The following LDLRAD4 variants were observed in gnomAD, a reference collection of about 807,000 sequenced individuals.
LDLRAD4 encodes the protein low density lipoprotein receptor class A domain containing 4, also known as low-density lipoprotein receptor class A domain-containing protein 4.
In LDLRAD4, 5 loss-of-function variants were observed where a neutral mutation model predicts 17.0. That is an observed-to-expected ratio of 0.29 (90% confidence interval 0.15 to 0.62). The LOEUF is 0.62. LDLRAD4 is among the 20% of genes least tolerant of loss of function. The probability of loss-of-function intolerance (pLI) is 0.84; values close to 1 mark genes in which losing one functional copy is unlikely to be tolerated. For synonymous variants in LDLRAD4, 168 were observed against 171.8 expected (o/e 0.98, Z 0.17); for missense variants, 340 against 424.7 (o/e 0.80, Z 1.75).
At chr18:13,235,454 C>T (rs907433545) in intron 1 of LDLRAD4, among the ~76,000 whole-genome samples, 4 of 152,122 alleles carry the variant, frequency 2.6e-5, no homozygotes, top group Non-Finnish European at 4.4e-5. Context: ...ACTAAATGTT[C>T]GACAGCTACC....
At chr18:13,229,138 G>A (rs1567910016) in intron 1 of LDLRAD4, among the ~76,000 whole-genome samples, 2 of 152,352 alleles carry the variant, frequency 1.3e-5, no homozygotes, top group South Asian at 4.1e-4. Flanking sequence ...AGGCTGCAGC[G>A]CCAGCCTGTG....
intron 3 of LDLRAD4, chr18:13,514,455 C>T (rs188313200): frequency 2.0e-5 from 3 of 152,282 alleles, no homozygotes; most frequent in East Asian, 1.9e-4. Context: ...AACCCATTCT[C>T]GTATAATTGA....
chr18:13,636,134 T>C (rs1055645740), intron 4 of LDLRAD4, among the ~76,000 whole-genome samples: 1 of 152,162 alleles, frequency 6.6e-6, no homozygotes, highest in Non-Finnish European at 1.5e-5. Context: ...TGACAGTGAC[T>C]ACACTCACAG....
intron 1 of LDLRAD4, among the ~76,000 whole-genome samples, chr18:13,234,501 A>G (rs962357315): frequency 5.3e-5 from 8 of 149,724 alleles, no homozygotes; most frequent in Non-Finnish European, 8.9e-5. Context: ...GGCACCTGTG[A>G]GCAGGCCAGG....
chr18:13,450,354 T>C (rs2091751735), intron 3 of LDLRAD4, among the ~76,000 whole-genome samples: 1 of 108,916 alleles, frequency 9.2e-6, no homozygotes, highest in Admixed American at 1.4e-4. Flanking sequence ...ACACACAAGA[T>C]CCCAAGACTG....
In LDLRAD4 at chr18:13,405,736, G is replaced by A. The variant is rs140866513; in HGVS notation, c.40+17974G>A. Among the ~76,000 whole-genome samples the A allele has an allele frequency of 2.9e-3, 439 of 151,698 alleles. 1 individual carries two copies. The highest frequency in any genetic ancestry group is 1.0e-2 in the African/African-American group (411 of 41,282). Reference sequence around the variant, plus strand: ...TACTGCAGGCATGAGCCACCGTGCCGAGCCCCTATGCGAGCGTTTTCACCA... The same window carrying A: ...TACTGCAGGCATGAGCCACCGTGCCAAGCCCCTATGCGAGCGTTTTCACCA... On this transcript the variant is annotated intron_variant, in intron 2 of 5. Coordinates refer to ENST00000359446, the Ensembl canonical transcript of LDLRAD4.
At chr18:13,379,306 C>T (rs940928259) in intron 1 of LDLRAD4, among the ~76,000 whole-genome samples, 9 of 152,252 alleles carry the variant, frequency 5.9e-5, no homozygotes, top group African/African-American at 1.9e-4. Flanking sequence ...TGGGGCACCC[C>T]CAGGCCAGCA....
chr18:13,546,963 G>T (rs1369884094), intron 3 of LDLRAD4, among the ~76,000 whole-genome samples: 1 of 152,220 alleles, frequency 6.6e-6, no homozygotes, highest in Non-Finnish European at 1.5e-5. Flanking sequence ...CAACACTTGA[G>T]ATGAGAACAT....
rs1216631070 is a variant in LDLRAD4, at chr18:13,440,196, G to T, written c.181+1812G>T. Among the ~76,000 whole-genome samples, 2 of 152,162 alleles carry T rather than the reference G, an allele frequency of 1.3e-5. No homozygotes were observed. Among genetic ancestry groups the T allele is most frequent in the Non-Finnish European group, 2.9e-5 (2 of 68,040 alleles). On this transcript the variant is annotated intron_variant, in intron 3 of 5. Transcript: ENST00000359446. The surrounding 1 kb of genome is among the most constrained non-coding windows in gnomAD (Gnocchi z 4.4). ...CTGGGGCGCTCCACAGGCCTCTTCT[G>T]GTCTGCGGGCTCCTCCTTTACTTCA...
At chr18:13,557,563 G>T (rs1460542379) in intron 3 of LDLRAD4, among the ~76,000 whole-genome samples, 1 of 152,132 alleles carries the variant, frequency 6.6e-6, no homozygotes, top group African/African-American at 2.4e-5. Context: ...ACCACACCCG[G>T]CTAATTTTTT....
chr18:13,364,756 G>A (rs2083931222), intron 1 of LDLRAD4, among the ~76,000 whole-genome samples: 2 of 152,204 alleles, frequency 1.3e-5, no homozygotes, highest in African/African-American at 2.4e-5. Flanking sequence ...TGAGGCTGGC[G>A]ATGCTGTGAG....
chr18:13,564,851 T>G (rs546900528), intron 3 of LDLRAD4: 6 of 152,344 alleles, frequency 3.9e-5, no homozygotes, highest in African/African-American at 1.4e-4. Context: ...TGATTTAGAT[T>G]GGAATCTCCT....
chr18:13,610,390 C>G (rs1464563863), intron 3 of LDLRAD4, among the ~76,000 whole-genome samples: 2 of 146,956 alleles, frequency 1.4e-5, no homozygotes, highest in Non-Finnish European at 3.0e-5. Context: ...CAGTTGCAAG[C>G]AATTCTCCTG....
At chr18:13,316,363 C>G (rs2146820248) in intron 1 of LDLRAD4, among the ~76,000 whole-genome samples, 1 of 152,238 alleles carries the variant, frequency 6.6e-6, no homozygotes, top group East Asian at 1.9e-4. Context: ...TCCTAGAATT[C>G]TATTCAAAAA....
chr18:13,297,289 A>C (rs914021012), intron 1 of LDLRAD4, among the ~76,000 whole-genome samples: 3 of 152,178 alleles, frequency 2.0e-5, no homozygotes, highest in African/African-American at 7.2e-5. Flanking sequence ...GGTGGGGATC[A>C]TAGCACCGTT....
At chr18:13,256,613 G>A (rs1369126395) in intron 1 of LDLRAD4, among the ~76,000 whole-genome samples, 6 of 152,230 alleles carry the variant, frequency 3.9e-5, no homozygotes, top group African/African-American at 1.4e-4. Context: ...TGTAGGACTG[G>A]TGTGAACAGT....
chr18:13,420,221 G>A (rs571122501), intron 2 of LDLRAD4: 1 of 152,292 alleles, frequency 6.6e-6, no homozygotes, highest in African/African-American at 2.4e-5. Flanking sequence ...AACTGACAAA[G>A]CATTGCTTTC....
At chr18:13,353,319 A>G (rs984906171) in intron 1 of LDLRAD4, among the ~76,000 whole-genome samples, 7 of 152,206 alleles carry the variant, frequency 4.6e-5, no homozygotes, top group Non-Finnish European at 5.9e-5. Context: ...GCTTTGGGAT[A>G]GCTCACTGTG....
At chr18:13,306,538 T>C (rs1358029024) in intron 1 of LDLRAD4, among the ~76,000 whole-genome samples, 1 of 152,028 alleles carries the variant, frequency 6.6e-6, no homozygotes, top group Non-Finnish European at 1.5e-5. Flanking sequence ...TAGATCAGGG[T>C]CTCAAAAGGA....
Sources: allele counts gnomAD v4.1 joint callset (sites outside exome capture counted in the v4.1 genomes callset), GRCh38; gene constraint gnomAD v4.1.1; non-coding constraint Gnocchi (gnomAD v3.1); transcripts MANE v1.5; gene names NCBI Gene and HGNC (gene_info 2026-07-23, HGNC 2026-07-21).